VLDLR: variants seen among roughly 807,000 people sequenced by gnomAD.
VLDLR encodes very low density lipoprotein receptor, also known as very low-density lipoprotein receptor.
VLDLR carries 81 observed loss-of-function variants against 112.7 expected under a neutral mutation model. The observed-to-expected ratio is 0.72, with a 90% CI of 0.60 to 0.86. The LOEUF is 0.86. Ranked by LOEUF, VLDLR falls within the 40% of genes least tolerant of loss-of-function variation. The probability of loss-of-function intolerance (pLI) is 0.00; values close to 1 mark genes in which losing one functional copy is unlikely to be tolerated. For synonymous variants in VLDLR, 436 were observed against 384.8 expected (o/e 1.13, Z -1.56); for missense variants, 1,237 against 1,099.4 (o/e 1.13, Z -1.77).
Position 2,646,380 on chromosome 9 carries a change from A to G in VLDLR, c.1531A>G (p.Asn511Asp), listed in dbSNP as rs1352615498. 5.6e-6 allele frequency: 9 copies of G among 1,614,046 alleles called. No homozygotes were observed. The highest frequency in any genetic ancestry group is 7.6e-6 in the Non-Finnish European group (9 of 1,180,040). ...KVGRHVKMID[N>D]VYNPAAIAVD... ...TGGTAGACATGTTAAAATGATCGAC[A>G]ATGTCTATAATCCTGCAGCCATTGC... Residue 511 changes from asparagine to aspartate, a missense_variant, in exon 11 of 19, where the codon AAT (asparagine) becomes GAT (aspartate). Transcript: ENST00000382100.
intron 2 of VLDLR, 54 bp from the exon 3 acceptor site, chr9:2,639,804 GC>G: frequency 6.2e-7 from 1 of 1,613,524 alleles, no homozygotes; most frequent in South Asian, 1.1e-5. Flanking sequence ...CTCATGTGAA[GC>G]TAGGGCTGTG....
Position 2,647,493 on chromosome 9 carries a change from T to G in VLDLR, c.1723T>G (p.Trp575Gly), listed in dbSNP as rs1401587117. The G allele has an allele frequency of 6.2e-7, 1 of 1,614,106 alleles. No individual in the cohort carries two copies. The highest frequency in any genetic ancestry group is 2.2e-5 in the East Asian group (1 of 44,888). The stretch of plus-strand genomic sequence containing the variant: ...TCACAGCTTTGTTTACTGGTCAGAC[T>G]GGGGTGAACCAGCTAAAATAGAAAA... ...PLSGFVYWSD[W>G]GEPAKIEKAG... The change falls in exon 12 of 19, where the codon TGG (tryptophan) becomes GGG (glycine). Residue 575 changes from tryptophan (W) to glycine (G), a missense_variant. Trp to Gly is a radical substitution (Grantham distance 184). Coordinates refer to ENST00000382100, the MANE Select transcript of VLDLR (RefSeq NM_003383.5).
intron 18 of VLDLR, among the ~76,000 whole-genome samples, 155 bp from the exon 19 acceptor site, chr9:2,653,678 G>C (rs146498158): frequency 1.7e-4 from 26 of 152,304 alleles, no homozygotes; most frequent in African/African-American, 5.3e-4. Flanking sequence ...ATGCATGAAT[G>C]ATACAACTCA....
chr9:2,651,772 A>G, intron 16 of VLDLR, 102 bp from the exon 17 acceptor site: 1 of 1,266,002 alleles, frequency 7.9e-7, no homozygotes, highest in East Asian at 2.3e-5. Context: ...TAGATACTGA[A>G]CATCAATATT....
rs1240342238 is a variant in VLDLR at position 2,646,529 on chromosome 9, C to T, written c.1680C>T (p.Ser560=). The T allele has an allele frequency of 1.9e-6, 3 of 1,614,130 alleles. No homozygotes were observed. Among genetic ancestry groups the T allele is most frequent in the East Asian group, 4.5e-5 (2 of 44,882 alleles). The change falls in exon 11 of 19, where the codon TCC becomes TCT. Residue 560 remains serine (S), a synonymous_variant. Transcript: ENST00000382100. The part of the protein sequence containing the change: ...LFNSDLREPA[S]IAVDPLSGFV... ...ACTCTGACTTGCGAGAGCCTGCCTC[C>T]ATAGCTGTGGACCCACTGTCTGGGT...
rs1203092992 is a variant in VLDLR at position 2,622,195 on chromosome 9, C to G, written c.6C>G (p.Gly2=). The G allele has an allele frequency of 6.7e-6, 10 of 1,496,840 alleles. No individual in the cohort carries two copies. In the Admixed American group the frequency reaches 1.9e-4, roughly 29 times the overall value. The allele number at this position is 1,496,840 out of a possible 1,614,324, so 92.7% of individuals were successfully genotyped here. M[G]TSALWALWLL... is the part of the protein sequence containing the mutation. Reference sequence around the variant, plus strand: ...GCACCATCCAGGCGGGCACCATGGGCACGTCCGCGCTCTGGGCGCTCTGGC... The same window carrying G: ...GCACCATCCAGGCGGGCACCATGGGGACGTCCGCGCTCTGGGCGCTCTGGC... Residue 2 remains glycine, a synonymous_variant, in exon 1 of 19, where the codon GGC becomes GGG. Coordinates refer to ENST00000382100, the MANE Select transcript of VLDLR (RefSeq NM_003383.5).
intron 17 of VLDLR, among the ~76,000 whole-genome samples, chr9:2,652,567 T>C (rs1415958022): frequency 6.6e-6 from 1 of 152,202 alleles, no homozygotes; most frequent in African/African-American, 2.4e-5. Context: ...TGGATGGATG[T>C]GGCTAGTCCA....
chr9:2,641,735 T>G (rs1000679734), intron 4 of VLDLR, among the ~76,000 whole-genome samples: 2 of 152,146 alleles, frequency 1.3e-5, no homozygotes, highest in Non-Finnish European at 2.9e-5. Context: ...AGAAGGTAAG[T>G]CATTCAAGGC....
chr9:2,649,792 T>C (rs1405329603), intron 14 of VLDLR, among the ~76,000 whole-genome samples: 1 of 152,214 alleles, frequency 6.6e-6, no homozygotes, highest in Non-Finnish European at 1.5e-5. Flanking sequence ...TCTGAGGTAC[T>C]AGGACTTCAT....
chr9:2,639,282 G>A (rs1355886198), intron 2 of VLDLR, among the ~76,000 whole-genome samples: 1 of 152,232 alleles, frequency 6.6e-6, no homozygotes, highest in East Asian at 1.9e-4. Context: ...AACAAAGAGA[G>A]AGAGAGTAAG....
chr9:2,629,716 C>T (rs912662309), intron 1 of VLDLR, among the ~76,000 whole-genome samples: 3 of 152,170 alleles, frequency 2.0e-5, no homozygotes, highest in African/African-American at 7.2e-5. Context: ...CTGTAAAATT[C>T]ACTTATTTCC....
intron 1 of VLDLR, among the ~76,000 whole-genome samples, chr9:2,633,912 G>A (rs879691264): frequency 1.3e-5 from 2 of 152,144 alleles, no homozygotes; most frequent in African/African-American, 2.4e-5. Context: ...AACAACACAG[G>A]TGATGCTTCC....
intron 1 of VLDLR, among the ~76,000 whole-genome samples, chr9:2,626,728 G>C (rs1817106936): frequency 6.6e-6 from 1 of 151,984 alleles, no homozygotes; most frequent in African/African-American, 2.4e-5. Context: ...TAGACGAGGT[G>C]GTGGGGATGG....
intron 1 of VLDLR, among the ~76,000 whole-genome samples, chr9:2,634,134 C>G (rs1387720213): frequency 1.3e-5 from 2 of 152,034 alleles, no homozygotes; most frequent in Admixed American, 6.5e-5. Context: ...GTAACCACAC[C>G]CATATGGTCA....
intron 1 of VLDLR, among the ~76,000 whole-genome samples, chr9:2,623,240 C>T (rs1487582568): frequency 6.6e-6 from 1 of 152,162 alleles, no homozygotes; most frequent in South Asian, 2.1e-4. Context: ...GGGGGCCCCG[C>T]CTGGTCGTCA....
chr9:2,657,942 C>T lies in VLDLR; in HGVS notation c.*4074C>T, dbSNP rs780108912. 2 of 152,120 alleles carry T rather than the reference C, an allele frequency of 1.3e-5. No homozygotes were observed. The highest frequency in any genetic ancestry group is 4.8e-5 in the African/African-American group (2 of 41,414). The allele number at this position is 152,120 out of a possible 1,614,324, so 9.4% of individuals were successfully genotyped here. On this transcript the variant is annotated 3_prime_UTR_variant, in exon 19 of 19. Coordinates refer to ENST00000382100, the MANE Select transcript of VLDLR (RefSeq NM_003383.5). ...TTTCTTGGGAAAACTAAAAATTGTA[C>T]ATCCATGCTTCAGCCATATCATGGG...
rs1481443012 is a variant in VLDLR, at chr9:2,643,197, C to T, written c.486C>T (p.Ser162=). 1 of 1,613,616 alleles carries T rather than the reference C, an allele frequency of 6.2e-7. No individual in the cohort carries two copies. The highest frequency in any genetic ancestry group is 1.1e-5 in the South Asian group (1 of 91,040). Residue 162 remains serine, a synonymous_variant, in exon 5 of 19, where the codon TCC becomes TCT. Transcript: ENST00000382100. ...GTAGTCCCGACGAGTTCACCTGCTC[C>T]AGTGGCCGCTGCATCTCCAGGAACT... ...ITCSPDEFTC[S]SGRCISRNFV... is the part of the protein sequence containing the mutation.
At chr9:2,648,557 G>C (rs1208804850) in intron 13 of VLDLR, 112 bp from the exon 14 acceptor site, 6 of 1,569,144 alleles carry the variant, frequency 3.8e-6, no homozygotes, top group South Asian at 1.1e-5. Context: ...CAGTGTCCCA[G>C]TTCAGCATTC....
rs796549718 is a variant in VLDLR, at chr9:2,633,045, AGAGAGAGTGTGTGTGTGTGTGTGTGTGT to A, written c.83-2406_83-2379del. 6.1e-3 allele frequency among the ~76,000 whole-genome samples: 692 copies of A among 113,778 alleles called. 6 individuals carry two copies. Among genetic ancestry groups the A allele is most frequent in the African/African-American group, 0.026 (650 of 25,074 alleles). The allele number at this position is 113,778 out of a possible 152,430, so 74.6% of individuals were successfully genotyped here. On this transcript the variant is annotated intron_variant, in intron 1 of 18. Transcript: ENST00000382100. Reference sequence around the variant, plus strand: ...TACTCCTTATTGGAGAGAGAGAGAGAGAGAGAGTGTGTGTGTGTGTGTGTGTGTGTGTGTGTGTGTGTGGTTGAGAGAG... The same window carrying A: ...TACTCCTTATTGGAGAGAGAGAGAGAGTGTGTGTGTGTGTGGTTGAGAGAG...
Sources: gnomAD v4.1 joint callset for allele counts (sites outside exome capture counted in the v4.1 genomes callset) on GRCh38, gnomAD v4.1.1 for gene constraint, MANE v1.5 for transcripts, NCBI Gene and HGNC (gene_info 2026-07-23, HGNC 2026-07-21) for gene names.